CAMSAP1: variants seen among roughly 807,000 people sequenced by gnomAD.
CAMSAP1 encodes calmodulin regulated spectrin associated protein 1, also known as calmodulin-regulated spectrin-associated protein 1.
In CAMSAP1, 58 loss-of-function variants were observed where a neutral mutation model predicts 143.5. The observed-to-expected ratio is 0.40, with a 90% confidence interval of 0.33 to 0.50. The LOEUF (loss-of-function observed/expected upper bound fraction) is 0.50. Ranked by LOEUF, CAMSAP1 falls within the 20% of genes least tolerant of loss-of-function variation. The probability of loss-of-function intolerance (pLI) is 0.45; values close to 1 mark genes in which losing one functional copy is unlikely to be tolerated. For synonymous variants in CAMSAP1, 945 were observed against 859.3 expected, an observed-to-expected ratio of 1.10 and a Z score of -1.74; for missense variants, 1,969 against 2,115.7, an observed-to-expected ratio of 0.93 and a Z score of 1.36.
In CAMSAP1 at chr9:135,815,977, G is replaced by C; in HGVS notation, c.4300C>G (p.Leu1434Val). 5 of 1,613,804 alleles carry C rather than the reference G, an allele frequency of 3.1e-6. No individual in the cohort carries two copies. The highest frequency in any genetic ancestry group is 4.2e-6 in the Non-Finnish European group (5 of 1,179,888). The change falls in exon 15 of 17, where the codon CTG becomes GTG. Residue 1434 changes from leucine to valine, a missense_variant. By Grantham distance (32) the Leu-to-Val change is conservative. Around this residue, in one of 4 missense-constraint regions of CAMSAP1, gnomAD observed 1,390 missense variants for 1,420.8 expected, o/e 0.98. Transcript: ENST00000389532. ...RVESMEALPI[L>V]SRNPSRSTDR... ...GTGCTCCTGCTTGGGTTACGGCTCA[G>C]TATGGGCAGGGCTTCCATCGATTCC... is the stretch of plus-strand genomic sequence containing the variant.
intron 5 of CAMSAP1, among the ~76,000 whole-genome samples, chr9:135,857,223 A>G (rs1046750317): frequency 5.3e-5 from 8 of 152,036 alleles, no homozygotes; most frequent in African/African-American, 1.4e-4. Context: ...TGTGTTGACT[A>G]AGTTCTTTTC....
intron 1 of CAMSAP1, among the ~76,000 whole-genome samples, chr9:135,885,700 A>G (rs1002381916): frequency 2.0e-5 from 3 of 152,266 alleles, no homozygotes; most frequent in Non-Finnish European, 4.4e-5. Flanking sequence ...AAAGTGATTC[A>G]TATAATCACC....
In CAMSAP1 at chr9:135,824,597, A is replaced by G. The variant is rs1371351341; in HGVS notation, c.1315+192T>C. 2.0e-5 allele frequency among the ~76,000 whole-genome samples: 3 copies of G among 152,192 alleles called. No homozygotes were observed. The highest frequency in any genetic ancestry group is 4.4e-5 in the Non-Finnish European group (3 of 68,042). On this transcript the variant is annotated intron_variant, in intron 9 of 16. Transcript: ENST00000389532. The surrounding 1 kb of genome is among the most constrained non-coding windows in gnomAD (Gnocchi z 4.1). ...GGAGAATTGCTTGAACCAGGGAGTC[A>G]GAGGCTGCAGTGAGCCGAGATCGCG...
intron 14 of CAMSAP1, 28 bp downstream of exon 14, chr9:135,817,949 G>A (rs374548811): frequency 2.5e-6 from 4 of 1,604,172 alleles, no homozygotes; most frequent in South Asian, 2.2e-5. Context: ...CTCCAGCCCC[G>A]TGCCGGCGGC....
chr9:135,838,015 C>A (rs1836159588), intron 7 of CAMSAP1, among the ~76,000 whole-genome samples: 1 of 151,202 alleles, frequency 6.6e-6, no homozygotes, highest in African/African-American at 2.4e-5. Context: ...AGACACACGT[C>A]ATCACGCACT....
intron 1 of CAMSAP1, among the ~76,000 whole-genome samples, chr9:135,897,069 C>T (rs1838478076): frequency 6.6e-6 from 1 of 152,186 alleles, no homozygotes; most frequent in Non-Finnish European, 1.5e-5. Flanking sequence ...GCAGTCCCCT[C>T]TTATCCCCAA....
At chr9:135,838,588 ACGCAC>A (rs1836215714) in intron 7 of CAMSAP1, among the ~76,000 whole-genome samples, 1 of 149,150 alleles carries the variant, frequency 6.7e-6, no homozygotes, top group African/African-American at 2.5e-5. Flanking sequence ...ACACATCATC[ACGCAC>A]TTTCTACCCG....
chr9:135,822,998 C>G lies in CAMSAP1; in HGVS notation c.1663G>C (p.Ala555Pro). 1 of 1,613,990 alleles carries G rather than the reference C, an allele frequency of 6.2e-7. No homozygotes were observed. The highest frequency in any genetic ancestry group is 8.5e-7 in the Non-Finnish European group (1 of 1,179,896). ...IVRADVVPQQADPEFPRASPR... is the reference protein window; with the variant it reads ...IVRADVVPQQPDPEFPRASPR... ...GAGGCCCTGGGGAACTCCGGGTCAG[C>G]CTGCTGGGGAACCACGTCTGCTCTA... The change falls in exon 11 of 17, where the codon GCT becomes CCT. Residue 555 changes from alanine (A) to proline (P), a missense_variant. By Grantham distance (27) the Ala-to-Pro change is conservative (BLOSUM62 -1). Coordinates refer to ENST00000389532, the MANE Select transcript of CAMSAP1 (RefSeq NM_015447.4). The surrounding 1 kb of genome is among the most constrained non-coding windows in gnomAD (Gnocchi z 6.1).
chr9:135,825,399 G>A (rs1389782758), intron 8 of CAMSAP1, among the ~76,000 whole-genome samples: 2 of 152,158 alleles, frequency 1.3e-5, no homozygotes, highest in African/African-American at 4.8e-5. Flanking sequence ...GGGTAAAAAT[G>A]TACATTTTTA....
chr9:135,817,322 A>G (rs1400749945), intron 14 of CAMSAP1, among the ~76,000 whole-genome samples: 1 of 152,204 alleles, frequency 6.6e-6, no homozygotes, highest in Non-Finnish European at 1.5e-5. Flanking sequence ...TCGTTCTAGG[A>G]AATACACACT....
At position 135,866,403 on chromosome 9, in the gene CAMSAP1, T is replaced by C. The variant is rs950352978; in HGVS notation, c.666+53A>G. The C allele has an allele frequency of 3.4e-6, 3 of 879,154 alleles. No individual in the cohort carries two copies. The Admixed American group carries it at 6.4e-5, about 19-fold the overall frequency. The allele number at this position is 879,154 out of a possible 1,614,324, so 54.5% of individuals were successfully genotyped here. On this transcript the variant is annotated intron_variant, in intron 4 of 16. Coordinates refer to ENST00000389532, the MANE Select transcript of CAMSAP1 (RefSeq NM_015447.4). ...TGGGAACTAACAGAATTCTTTAAAA[T>C]TGGGACCAACATTAACTTAGTGCAT...
intron 7 of CAMSAP1, among the ~76,000 whole-genome samples, chr9:135,835,749 A>C (rs890199133): frequency 6.6e-6 from 1 of 152,222 alleles, no homozygotes; most frequent in Non-Finnish European, 1.5e-5. Flanking sequence ...GAAGCCGGAA[A>C]AGGCAGATCA....
chr9:135,817,436 G>A (rs968931368), intron 14 of CAMSAP1, among the ~76,000 whole-genome samples: 1 of 152,180 alleles, frequency 6.6e-6, no homozygotes, highest in African/African-American at 2.4e-5. Context: ...CTGTTGCCCA[G>A]GCTGGAGTGC....
chr9:135,836,299 C>T, intron 7 of CAMSAP1: 1 of 985,042 alleles, frequency 1.0e-6, no homozygotes, highest in Non-Finnish European at 1.2e-6. Flanking sequence ...GTACCTTCTA[C>T]CCTGTTCTAC....
chr9:135,863,480 A>G (rs1004006150), intron 4 of CAMSAP1, among the ~76,000 whole-genome samples: 1 of 152,228 alleles, frequency 6.6e-6, no homozygotes, highest in Non-Finnish European at 1.5e-5. Flanking sequence ...AGGAAAATAC[A>G]CGATACAAAC....
chr9:135,820,609 C>T lies in CAMSAP1; in HGVS notation c.3822+230G>A, dbSNP rs1424720299. 6.6e-6 allele frequency among the ~76,000 whole-genome samples: 1 copy of T among 151,986 alleles called. No homozygotes were observed. Among genetic ancestry groups the T allele is most frequent in the Non-Finnish European group, 1.5e-5 (1 of 68,012 alleles). On this transcript the variant is annotated intron_variant, in intron 11 of 16. Coordinates refer to ENST00000389532, the MANE Select transcript of CAMSAP1 (RefSeq NM_015447.4). This position sits in a 1 kb window ranked among gnomAD's most constrained non-coding sequence, Gnocchi z 4.4. Reference sequence around the variant, plus strand: ...CCAGTTTCAGGGCTCATAACAAAGTCGTCTCAGCCACACCACGCTCACTTG... The same window carrying T: ...CCAGTTTCAGGGCTCATAACAAAGTTGTCTCAGCCACACCACGCTCACTTG...
chr9:135,842,209 G>C (rs1836378343), intron 7 of CAMSAP1, among the ~76,000 whole-genome samples: 1 of 152,118 alleles, frequency 6.6e-6, no homozygotes. Flanking sequence ...ATATACACAA[G>C]TATCAGTAGC....
intron 7 of CAMSAP1, chr9:135,836,821 A>G (rs1393075086): frequency 1.0e-6 from 1 of 982,856 alleles, no homozygotes; most frequent in East Asian, 1.2e-4. Context: ...TTCTACAGAC[A>G]TGTCACCACA....
intron 3 of CAMSAP1, among the ~76,000 whole-genome samples, chr9:135,866,785 G>A (rs990654321): frequency 3.3e-5 from 5 of 152,160 alleles, no homozygotes; most frequent in Admixed American, 6.5e-5. Context: ...GTGCTCCCCC[G>A]TCACTGCGGG....
Sources: allele counts gnomAD v4.1 joint callset (sites outside exome capture counted in the v4.1 genomes callset), GRCh38; gene constraint gnomAD v4.1.1; regional missense constraint gnomAD v4.1.1; non-coding constraint Gnocchi (gnomAD v3.1); transcripts MANE v1.5; gene names NCBI Gene and HGNC (gene_info 2026-07-23, HGNC 2026-07-21).